GPR137C: variants seen among roughly 807,000 people sequenced by gnomAD.
The protein encoded by GPR137C is integral membrane protein GPR137C.
GPR137C carries 27 observed loss-of-function variants against 43.4 expected under a neutral mutation model. That is an observed-to-expected ratio of 0.62 (90% CI 0.46 to 0.86). The LOEUF (loss-of-function observed/expected upper bound fraction) is 0.86. GPR137C is among the 40% of genes least tolerant of loss of function. The pLI, the probability that GPR137C is intolerant of heterozygous loss-of-function variation, is 0.00. For synonymous variants in GPR137C, 285 were observed against 226.9 expected, an observed-to-expected ratio of 1.26 and a Z score of -2.30; for missense variants, 522 against 534.6, an observed-to-expected ratio of 0.98 and a Z score of 0.23.
At chr14:52,573,985 T>C (rs910907676) in intron 1 of GPR137C, among the ~76,000 whole-genome samples, 23 of 152,176 alleles carry the variant, frequency 1.5e-4, no homozygotes, top group Non-Finnish European at 2.8e-4. Context: ...TCATCACTGG[T>C]CATTAGAGAA....
chr14:52,594,882 GC>G (rs1324005450), intron 1 of GPR137C, among the ~76,000 whole-genome samples: 1 of 152,132 alleles, frequency 6.6e-6, no homozygotes, highest in Non-Finnish European at 1.5e-5. Flanking sequence ...TGGTTATTTT[GC>G]CCGTTAATTG....
chr14:52,577,049 G>A (rs532796241), intron 1 of GPR137C, among the ~76,000 whole-genome samples: 3 of 108,138 alleles, frequency 2.8e-5, no homozygotes, highest in Admixed American at 9.0e-5. Flanking sequence ...AACTAGCCAG[G>A]CGTGGTGCTG....
At chr14:52,580,272 T>C (rs2038622969) in intron 1 of GPR137C, among the ~76,000 whole-genome samples, 1 of 152,240 alleles carries the variant, frequency 6.6e-6, no homozygotes, top group African/African-American at 2.4e-5. Flanking sequence ...AAAATTCATT[T>C]GATTGTAAAT....
chr14:52,622,460 T>G (rs895614174), intron 3 of GPR137C, among the ~76,000 whole-genome samples: 3 of 152,096 alleles, frequency 2.0e-5, no homozygotes, highest in Middle Eastern at 3.2e-3. Flanking sequence ...TAAGAAGCTG[T>G]TAATCTTACA....
chr14:52,572,003 T>C (rs1347617464), intron 1 of GPR137C, among the ~76,000 whole-genome samples: 2 of 152,066 alleles, frequency 1.3e-5, no homozygotes, highest in Admixed American at 1.3e-4. Context: ...CCAGAAGAAA[T>C]GGATAAATTC....
rs760655393 is a variant in GPR137C at position 52,553,279 on chromosome 14, C to A, written c.132C>A (p.Ser44=). 4 of 1,485,760 alleles carry A rather than the reference C, an allele frequency of 2.7e-6. No individual in the cohort carries two copies. Among genetic ancestry groups the A allele is most frequent in the African/African-American group, 1.4e-5 (1 of 70,378 alleles). The allele number at this position is 1,485,760 out of a possible 1,614,324, so 92.0% of individuals were successfully genotyped here. Residue 44 remains serine, a synonymous_variant, in exon 1 of 7, where the codon TCC becomes TCA. Coordinates refer to ENST00000321662, the MANE Select transcript of GPR137C (RefSeq NM_001099652.2). ...AAASGAAVPG[S]VQLALSVLHA... is the part of the protein sequence containing the mutation. ...CCTCAGGCGCCGCGGTGCCGGGCTC[C>A]GTGCAGTTGGCGCTGAGCGTCCTGC...
chr14:52,588,864 G>A (rs2038744640), intron 1 of GPR137C, among the ~76,000 whole-genome samples: 1 of 152,154 alleles, frequency 6.6e-6, no homozygotes, highest in Non-Finnish European at 1.5e-5. Flanking sequence ...ATACATTGAA[G>A]TACTTAGGGC....
chr14:52,577,727 C>T (rs936595114), intron 1 of GPR137C, among the ~76,000 whole-genome samples: 5 of 149,844 alleles, frequency 3.3e-5, no homozygotes, highest in African/African-American at 1.2e-4. Context: ...CTTTGGGAGG[C>T]TGAGGCAGGC....
At chr14:52,611,585 T>C in intron 3 of GPR137C, 1 of 424,924 alleles carries the variant, frequency 2.4e-6, no homozygotes, top group Non-Finnish European at 3.1e-6. Context: ...AAAATGTTAT[T>C]AAACCTACAC....
intron 1 of GPR137C, among the ~76,000 whole-genome samples, chr14:52,580,343 A>G (rs1455926117): frequency 6.6e-6 from 1 of 151,688 alleles, no homozygotes; most frequent in Non-Finnish European, 1.5e-5. Context: ...CAGACTAAGC[A>G]GAGAGAAGAG....
At chr14:52,607,585 A>G (rs1362436490) in intron 3 of GPR137C, among the ~76,000 whole-genome samples, 2 of 152,172 alleles carry the variant, frequency 1.3e-5, no homozygotes, top group South Asian at 2.1e-4. Flanking sequence ...CTTAAAGTCT[A>G]TTTTATCTGG....
intron 3 of GPR137C, among the ~76,000 whole-genome samples, chr14:52,602,032 T>C (rs1232469557): frequency 6.6e-6 from 1 of 151,198 alleles, no homozygotes; most frequent in African/African-American, 2.4e-5. Flanking sequence ...CTAGGAATAC[T>C]GCAGATATAC....
chr14:52,571,428 C>G (rs1232637584), intron 1 of GPR137C, among the ~76,000 whole-genome samples: 2 of 152,034 alleles, frequency 1.3e-5, no homozygotes, highest in Non-Finnish European at 2.9e-5. Flanking sequence ...CTAAAAAGAA[C>G]TAGAGAGAGG....
intron 3 of GPR137C, chr14:52,612,588 T>G: frequency 3.6e-6 from 3 of 825,192 alleles, no homozygotes; most frequent in Non-Finnish European, 4.4e-6. Flanking sequence ...TAGAGACACA[T>G]TCTCACTGTG....
At chr14:52,567,879 C>T (rs570262158) in intron 1 of GPR137C, among the ~76,000 whole-genome samples, 36 of 152,084 alleles carry the variant, frequency 2.4e-4, no homozygotes, top group South Asian at 6.2e-4. Context: ...AGGCTGGTCT[C>T]GAACTTCTGA....
chr14:52,568,570 C>G (rs1274780624), intron 1 of GPR137C, among the ~76,000 whole-genome samples: 1 of 152,176 alleles, frequency 6.6e-6, no homozygotes, highest in African/African-American at 2.4e-5. Context: ...ATTCTTGCTA[C>G]CAGCACAGCG....
chr14:52,634,001 A>G (rs1011036593), intron 6 of GPR137C, 55 bp downstream of exon 6: 34 of 1,102,264 alleles, frequency 3.1e-5, no homozygotes, highest in Non-Finnish European at 4.6e-5. Context: ...ATTGAAAAAA[A>G]CAAATCTAAG....
chr14:52,598,242 CA>C (rs761848583), intron 1 of GPR137C, 29 bp from the exon 2 acceptor site: 28 of 994,064 alleles, frequency 2.8e-5, no homozygotes, highest in Non-Finnish European at 3.6e-5. Flanking sequence ...TACACGTTTT[CA>C]AAATTTTTTT....
intron 3 of GPR137C, among the ~76,000 whole-genome samples, chr14:52,600,918 A>G (rs965436005): frequency 1.1e-4 from 16 of 152,222 alleles, no homozygotes; most frequent in Non-Finnish European, 2.4e-4. Flanking sequence ...TTTTATTTGT[A>G]TAAAGGTTAG....
Sources: gnomAD v4.1 joint callset for allele counts (sites outside exome capture counted in the v4.1 genomes callset) on GRCh38, gnomAD v4.1.1 for gene constraint, MANE v1.5 for transcripts, NCBI Gene and HGNC (gene_info 2026-07-23, HGNC 2026-07-21) for gene names.